Variants in TTN observed in about 807,000 individuals in gnomAD.
TTN encodes connectin.
In TTN, 1,525 loss-of-function variants were observed where a neutral mutation model predicts 3,223.0. That is an observed-to-expected ratio of 0.47 (90% CI 0.45 to 0.49). The LOEUF (loss-of-function observed/expected upper bound fraction) is 0.49, where lower values mean the gene tolerates loss of function less well. Among genes scored for constraint, TTN ranks in the 20% least tolerant of loss-of-function variants. The probability of loss-of-function intolerance (pLI) is 0.00; values close to 1 mark genes in which losing one functional copy is unlikely to be tolerated. For synonymous variants in TTN, 14,094 were observed against 15,161.0 expected, an observed-to-expected ratio of 0.93 and a Z score of 5.17; for missense variants, 40,786 against 43,424.0, an observed-to-expected ratio of 0.94 and a Z score of 5.40.
chr2:178,611,622 A>G lies in TTN; in HGVS notation c.50607T>C (p.Ile16869=). The part of the protein sequence containing the change: ...LHVTDAGRKH[I]AIAWKPPEKN... Reference sequence around the variant, plus strand: ...TCTCTGGAGGCTTCCAAGCAATGGCAATGTGTTTTCTCCCAGCATCAGTCA... The same window carrying G: ...TCTCTGGAGGCTTCCAAGCAATGGCGATGTGTTTTCTCCCAGCATCAGTCA... The change falls in exon 269 of 363, where the codon ATT becomes ATC. Residue 16869 remains isoleucine, a synonymous_variant. Coordinates refer to ENST00000589042, the MANE Select transcript of TTN (RefSeq NM_001267550.2). 6.2e-7 allele frequency: 1 copy of G among 1,613,050 alleles called. No individual in the cohort carries two copies. The highest frequency in any genetic ancestry group is 8.5e-7 in the Non-Finnish European group (1 of 1,179,352).
At chr2:178,756,184 GATGAAATGAAGC>G in intron 46 of TTN, 26 bp downstream of exon 46, 1 of 1,456,330 alleles carries the variant, frequency 6.9e-7, no homozygotes, top group Non-Finnish European at 9.5e-7. Flanking sequence ...AAGCGATGAG[GATGAAATGAAGC>G]AAGTCATAGC....
chr2:178,603,806 T>G, intron 282 of TTN, 70 bp downstream of exon 282: 1 of 1,400,124 alleles, frequency 7.1e-7, no homozygotes, highest in Non-Finnish European at 9.5e-7. Flanking sequence ...ATAAGAAATT[T>G]AAGGCAGAAT....
In TTN at chr2:178,531,263, A is replaced by C; in HGVS notation, c.105352T>G (p.Ser35118Ala). ...ALEEKSLEEK[S>A]TTRKIKTTLA... ...GTCGTCTTGATCTTTCTGGTTGTGG[A>C]TTTTTCTTCCAGTGACTTTTCTTCT... The change falls in exon 358 of 363, where the codon TCC becomes GCC. Residue 35118 changes from serine to alanine, a missense_variant. Physicochemically the swap from Ser to Ala is moderately conservative, Grantham distance 99. Transcript: ENST00000589042. 1 of 1,613,626 alleles carries C rather than the reference A, an allele frequency of 6.2e-7. No homozygotes were observed. The highest frequency in any genetic ancestry group is 8.5e-7 in the Non-Finnish European group (1 of 1,179,800).
Position 178,689,356 on chromosome 2 carries a change from T to G in TTN, c.31945A>C (p.Lys10649Gln), listed in dbSNP as rs1227412927. The G allele has an allele frequency of 1.9e-6, 3 of 1,613,752 alleles. No homozygotes were observed. The East Asian group carries it at 6.7e-5, about 36-fold the overall frequency. ...GGTTTCCTTTCTTCAGGAACTTTCT[T>G]CTTTGGTATTTCTGGCACTTAAAGG... is the stretch of plus-strand genomic sequence containing the variant. ...PPPAVPEIPK[K>Q]KVPEERKPVP... The change falls in exon 124 of 363, where the codon AAG (lysine) becomes CAG (glutamine). Residue 10649 changes from lysine to glutamine, a missense_variant. Lys to Gln is a moderately conservative substitution (Grantham distance 53, BLOSUM62 1). Transcript: ENST00000589042.
intron 102 of TTN, among the ~76,000 whole-genome samples, 154 bp from the exon 103 acceptor site, chr2:178,705,511 A>G (rs2075720796): frequency 6.6e-6 from 1 of 152,188 alleles, no homozygotes; most frequent in African/African-American, 2.4e-5. Flanking sequence ...AAACAATTTA[A>G]AAATGTGGGT....
Position 178,577,325 on chromosome 2 carries a change from T to C in TTN, c.69010A>G (p.Met23004Val), listed in dbSNP as rs1257560836. Reference protein sequence around the residue: ...TQITSTPTSSMLTIKYATRKD... With the variant: ...TQITSTPTSSVLTIKYATRKD... ...CTAGTGGCATACTTGATAGTAAGCA[T>C]GGAAGATGTTGGGGTTGAAGTTATC... is the stretch of plus-strand genomic sequence containing the variant. The change falls in exon 324 of 363, where the codon ATG becomes GTG. Residue 23004 changes from methionine (M) to valine (V), a missense_variant. Coordinates refer to ENST00000589042, the MANE Select transcript of TTN (RefSeq NM_001267550.2). 1.2e-6 allele frequency: 2 copies of C among 1,612,802 alleles called. No individual in the cohort carries two copies. Among genetic ancestry groups the C allele is most frequent in the South Asian group, 1.1e-5 (1 of 91,012 alleles).
In TTN at chr2:178,567,749, C is replaced by T. The variant is rs757957389; in HGVS notation, c.78383G>A (p.Arg26128His). 9.3e-6 allele frequency: 15 copies of T among 1,612,898 alleles called. No individual in the cohort carries two copies. The highest frequency in any genetic ancestry group is 6.7e-5 in the African/African-American group (5 of 74,880). The change falls in exon 326 of 363, where the codon CGT becomes CAT. Residue 26128 changes from arginine (R) to histidine (H), a missense_variant. Transcript: ENST00000589042. ...SMITGYIVEK[R>H]DLPDGRWMKA... Reference sequence around the variant, plus strand: ...CATCCAACGACCATCAGGCAAATCACGTTTCTCTACAATGTAGCCTGTAAT... The same window carrying T: ...CATCCAACGACCATCAGGCAAATCATGTTTCTCTACAATGTAGCCTGTAAT...
chr2:178,623,084 C>T (rs948829793), intron 242 of TTN, among the ~76,000 whole-genome samples: 1 of 151,826 alleles, frequency 6.6e-6, no homozygotes, highest in Non-Finnish European at 1.5e-5. Context: ...ATTTGCACTG[C>T]ACCAGACTTG....
chr2:178,578,865 T>C lies in TTN; in HGVS notation c.68165A>G (p.Asn22722Ser), dbSNP rs200493270. 190 of 1,613,220 alleles carry C rather than the reference T, an allele frequency of 1.2e-4. No individual in the cohort carries two copies. The highest frequency in any genetic ancestry group is 1.6e-4 in the Non-Finnish European group (186 of 1,179,414). ...MEYTFRVSAE[N>S]KYGVGEGLKS... ...CAGGCCTTCCCCTACACCATATTTA[T>C]TTTCGGCACTGACCCTGAAGGTATA... The change falls in exon 320 of 363, where the codon AAT becomes AGT. Residue 22722 changes from asparagine to serine, a missense_variant. By Grantham distance (46) the Asn-to-Ser change is conservative (BLOSUM62 1). Transcript: ENST00000589042.
At chr2:178,583,427 TCTTG>T in intron 312 of TTN, 176 bp downstream of exon 312, 2 of 834,054 alleles carry the variant, frequency 2.4e-6, no homozygotes, top group Non-Finnish European at 3.4e-6. Context: ...CAGTTGTGTA[TCTTG>T]CTTTTTAATT....
At chr2:178,622,266 G>A (rs971634345) in intron 243 of TTN, among the ~76,000 whole-genome samples, 3 of 151,912 alleles carry the variant, frequency 2.0e-5, no homozygotes, top group African/African-American at 7.2e-5. Context: ...GAGCTATAGT[G>A]AGCCTTAGAC....
At chr2:178,720,702 T>C in intron 79 of TTN, 39 bp from the exon 80 acceptor site, 1 of 1,525,954 alleles carries the variant, frequency 6.6e-7, no homozygotes, top group Non-Finnish European at 8.7e-7. Flanking sequence ...GAACACTTGC[T>C]TACTATAAAG....
rs758960111 is a variant in TTN, at chr2:178,733,029, A to C, written c.16147T>G (p.Ser5383Ala). ...TCRLDCKIAG[S>A]LPMRVSWFKD... is the part of the protein sequence containing the mutation. ...AACCAGGACACCCTCATGGGGAGGG[A>C]GCCTGCAATTTTGCAGTCCAGTCTG... Residue 5383 changes from serine to alanine, a missense_variant, in exon 55 of 363, where the codon TCC becomes GCC. Transcript: ENST00000589042. 6.2e-7 allele frequency: 1 copy of C among 1,613,352 alleles called. No individual in the cohort carries two copies. Among genetic ancestry groups the C allele is most frequent in the African/African-American group, 1.3e-5 (1 of 74,890 alleles).
rs2154138371 is a variant in TTN at position 178,537,661 on chromosome 2, T to C, written c.99546A>G (p.Val33182=). The C allele has an allele frequency of 6.2e-7, 1 of 1,613,842 alleles. No individual in the cohort carries two copies. Among genetic ancestry groups the C allele is most frequent in the Non-Finnish European group, 8.5e-7 (1 of 1,179,790 alleles). ...GCAGGAGAAGCTTACTACTGGTTTC[T>C]ACTTCTCCAACCTCATTGGTGGCTA... ...TCIATNEVGE[V]ETSSKLLLQA... Residue 33182 remains valine, a synonymous_variant, in exon 355 of 363, where the codon GTA becomes GTG. Coordinates refer to ENST00000589042, the MANE Select transcript of TTN (RefSeq NM_001267550.2).
chr2:178,794,668 T>A, intron 7 of TTN, 117 bp from the exon 8 acceptor site: 1 of 1,273,046 alleles, frequency 7.9e-7, no homozygotes, highest in South Asian at 1.2e-5. Context: ...CATAAGCATT[T>A]ATTATTGCCA....
Position 178,731,004 on chromosome 2 carries a change from C to A in TTN, c.17661G>T (p.Lys5887Asn), listed in dbSNP as rs878956662. The A allele has an allele frequency of 1.1e-5, 18 of 1,613,568 alleles. No individual in the cohort carries two copies. Among genetic ancestry groups the A allele is most frequent in the Non-Finnish European group, 1.5e-5 (18 of 1,179,684 alleles). Residue 5887 changes from lysine to asparagine, a missense_variant, in exon 60 of 363, where the codon AAG becomes AAT. Transcript: ENST00000589042. ...VSILKIISTEKKDSGEYTFEV... is the reference protein window; with the variant it reads ...VSILKIISTENKDSGEYTFEV... The stretch of plus-strand genomic sequence containing the variant: ...CGAAAGTATATTCTCCACTATCTTT[C>A]TTTTCTGTAGAAATAATCTTCAGTA...
intron 145 of TTN, 33 bp from the exon 146 acceptor site, chr2:178,677,950 C>T: frequency 6.4e-7 from 1 of 1,569,614 alleles, no homozygotes; most frequent in South Asian, 1.2e-5. Context: ...GTACAAACAT[C>T]ACTTTTATGT....
rs564581124 is a variant in TTN at position 178,533,164 on chromosome 2, G to C, written c.103451C>G (p.Ala34484Gly). ...ACTTTCAGTTCCAGAAAGAATTTCA[G>C]CCATTCTGAGGGTTTTGTCAATTTG... is the stretch of plus-strand genomic sequence containing the variant. ...QKQIDKTLRM[A>G]EILSGTESVP... The change falls in exon 358 of 363, where the codon GCT (alanine) becomes GGT (glycine). Residue 34484 changes from alanine (A) to glycine (G), a missense_variant. Ala to Gly is a moderately conservative substitution (Grantham distance 60, BLOSUM62 0). Transcript: ENST00000589042. The C allele has an allele frequency of 6.2e-7, 1 of 1,613,960 alleles. No homozygotes were observed. The highest frequency in any genetic ancestry group is 1.7e-5 in the Admixed American group (1 of 60,022).
chr2:178,745,318 T>C lies in TTN; in HGVS notation c.11312-3397A>G, dbSNP rs149643162. 5 of 1,295,860 alleles carry C rather than the reference T, an allele frequency of 3.9e-6. No individual in the cohort carries two copies. In the African/African-American group the frequency reaches 7.5e-5, roughly 19 times the overall value. The allele number at this position is 1,295,860 out of a possible 1,614,324, so 80.3% of individuals were successfully genotyped here. Reference sequence around the variant, plus strand: ...TGAGGGTAAATAGAAGTACAAACAATTAGGTAGCCAAGGAGAGATTTAATT... The same window carrying C: ...TGAGGGTAAATAGAAGTACAAACAACTAGGTAGCCAAGGAGAGATTTAATT... On this transcript the variant is annotated intron_variant, in intron 47 of 362. Coordinates refer to ENST00000589042, the MANE Select transcript of TTN (RefSeq NM_001267550.2).
Sources: allele counts gnomAD v4.1 joint callset (sites outside exome capture counted in the v4.1 genomes callset), GRCh38; gene constraint gnomAD v4.1.1; transcripts MANE v1.5; gene names NCBI Gene and HGNC (gene_info 2026-07-23, HGNC 2026-07-21).